Variants in ACOT11 observed in about 807,000 individuals in gnomAD.
ACOT11 encodes acyl-CoA thioesterase 11.
ACOT11 carries 69 observed loss-of-function variants against 77.5 expected under a neutral mutation model. The ratio of observed to expected loss-of-function variants is 0.89; its 90% CI spans 0.73 to 1.09. The LOEUF (loss-of-function observed/expected upper bound fraction) is 1.09. ACOT11 is among the 50% of genes least tolerant of loss of function. The pLI is 0.00. For missense variants in ACOT11, 766 were observed against 813.7 expected (o/e 0.94, Z 0.71); for synonymous variants, 279 against 313.0 (o/e 0.89, Z 1.15).
intron 15 of ACOT11, among the ~76,000 whole-genome samples, chr1:54,622,924 C>T (rs763721659): frequency 1.8e-4 from 28 of 151,926 alleles, no homozygotes; most frequent in Non-Finnish European, 3.2e-4. Context: ...CCTGTAATCC[C>T]AGCACTTTGA....
intron 16 of ACOT11, among the ~76,000 whole-genome samples, chr1:54,632,390 C>G (rs1318055361): frequency 6.6e-6 from 1 of 152,232 alleles, no homozygotes; most frequent in African/African-American, 2.4e-5. Context: ...CAACAGGAGT[C>G]TGTGGACCCT....
chr1:54,599,597 C>T (rs1191921487), intron 8 of ACOT11, 182 bp downstream of exon 8: 2 of 664,318 alleles, frequency 3.0e-6, no homozygotes, highest in Non-Finnish European at 4.2e-6. Context: ...GGGAGCCTTC[C>T]CTGGCTCCCA....
chr1:54,623,471 T>C (rs934091662), intron 15 of ACOT11: 18 of 1,138,222 alleles, frequency 1.6e-5, no homozygotes, highest in Admixed American at 5.4e-5. Context: ...TGGAATCCTG[T>C]GGGAGGCAGG....
In ACOT11 at chr1:54,573,246, G is replaced by A. The variant is rs1653985263; in HGVS notation, c.34-11409G>A. On this transcript the variant is annotated intron_variant, in intron 1 of 15. Transcript: ENST00000343744. ...AGAAGCAGTTGTACAAAGTGGTCAA[G>A]CAGTCTTAGCTTTTGCGGTAAGCAG... The A allele has an allele frequency of 3.0e-6, 3 of 985,354 alleles. No homozygotes were observed. In the Admixed American group the frequency reaches 1.8e-4, roughly 61 times the overall value. 61.0% of individuals were successfully genotyped at this position (985,354 alleles called of 1,614,324 possible).
At chr1:54,573,895 G>T (rs1654009315) in intron 1 of ACOT11, among the ~76,000 whole-genome samples, 1 of 152,084 alleles carries the variant, frequency 6.6e-6, no homozygotes, top group Non-Finnish European at 1.5e-5. Flanking sequence ...CGGGCGTGAT[G>T]GCGCATGCCT....
chr1:54,575,840 G>A (rs994446115), intron 1 of ACOT11, among the ~76,000 whole-genome samples: 2 of 152,228 alleles, frequency 1.3e-5, no homozygotes, highest in African/African-American at 4.8e-5. Context: ...ACGGGCAAAG[G>A]CCCAGTGCTG....
rs767004485 is a variant in ACOT11, at chr1:54,609,288, C to T, written c.*176C>T. On this transcript the variant is annotated 3_prime_UTR_variant, in exon 16 of 16. Coordinates refer to ENST00000343744, the MANE Select transcript of ACOT11 (RefSeq NM_147161.4). ...GGTGCTCAGTTTCTACCAACATGAG[C>T]CAGCAAGTCCTTGTGGTAGCCCTGG... 17 of 1,606,176 alleles carry T rather than the reference C, an allele frequency of 1.1e-5. No individual in the cohort carries two copies. The African/African-American group carries it at 2.1e-4, about 20-fold the overall frequency.
chr1:54,622,275 CAAAA>C (rs34730286), intron 15 of ACOT11, among the ~76,000 whole-genome samples: 7 of 45,934 alleles, frequency 1.5e-4, no homozygotes, highest in African/African-American at 3.6e-4. Context: ...GACTCTGTCT[CAAAA>C]AAAAAAAAAA....
downstream of ACOT11, chr1:54,610,385 G>C (rs777171000): frequency 6.8e-6 from 11 of 1,607,710 alleles, no homozygotes; most frequent in African/African-American, 8.0e-5. Flanking sequence ...TGAGCTGGGA[G>C]CACCGGGGCT....
intron 1 of ACOT11, among the ~76,000 whole-genome samples, chr1:54,551,727 GTTTTGTTTTGT>G (rs1452139841): frequency 8.5e-4 from 127 of 149,600 alleles, no homozygotes; most frequent in African/African-American, 2.8e-3. Context: ...TTTTGTTTTT[GTTTTGTTTTGT>G]TTTTGTTTTT....
intron 1 of ACOT11, among the ~76,000 whole-genome samples, chr1:54,560,835 C>T (rs919494785): frequency 6.6e-5 from 10 of 152,142 alleles, no homozygotes; most frequent in Admixed American, 3.9e-4. Context: ...AATTCCCCTT[C>T]GTCAGCCTCC....
chr1:54,603,662 C>T (rs1484352009), intron 10 of ACOT11, among the ~76,000 whole-genome samples: 2 of 152,254 alleles, frequency 1.3e-5, no homozygotes, highest in East Asian at 1.9e-4. Flanking sequence ...GGCTCGCTCC[C>T]ACCTCTGAGC....
chr1:54,622,454 T>C (rs1644239612), intron 15 of ACOT11, among the ~76,000 whole-genome samples: 1 of 152,054 alleles, frequency 6.6e-6, no homozygotes, highest in South Asian at 2.1e-4. Flanking sequence ...GGCGCACGCC[T>C]GTAGTCCCAG....
intron 1 of ACOT11, among the ~76,000 whole-genome samples, chr1:54,549,189 C>G (rs991058796): frequency 6.6e-6 from 1 of 152,162 alleles, no homozygotes; most frequent in Admixed American, 6.5e-5. Flanking sequence ...TCCATGTCAG[C>G]CCCTTTCAGT....
intron 3 of ACOT11, among the ~76,000 whole-genome samples, chr1:54,586,654 G>A (rs550061167): frequency 8.5e-4 from 130 of 152,160 alleles, no homozygotes; most frequent in African/African-American, 2.9e-3. Context: ...GGCTGGTCTC[G>A]ATCTCCTGAT....
intron 1 of ACOT11, among the ~76,000 whole-genome samples, chr1:54,555,712 G>A (rs79841265): frequency 0.04 from 6,041 of 151,934 alleles, 173 homozygotes; most frequent in Non-Finnish European, 0.055. Flanking sequence ...TTTGGGGGTC[G>A]TACATTTAAG....
rs1330864693 is a variant in ACOT11, at chr1:54,594,562, C to G, written c.478C>G (p.Leu160Val). The G allele has an allele frequency of 6.2e-7, 1 of 1,612,992 alleles. No homozygotes were observed. The highest frequency in any genetic ancestry group is 8.5e-7 in the Non-Finnish European group (1 of 1,179,496). ...CCTGTCCCCTGGCCGACAGGTGAAG[C>G]TGAAGCAGATCACGCCGCGGACAGA... ...VARREITKVK[L>V]KQITPRTEEE... is the part of the protein sequence containing the mutation. The change falls in exon 6 of 16, where the codon CTG (leucine) becomes GTG (valine). Residue 160 changes from leucine (L) to valine (V), a missense_variant. Leu to Val is a conservative substitution (Grantham distance 32). Transcript: ENST00000343744.
intron 1 of ACOT11, among the ~76,000 whole-genome samples, chr1:54,565,729 G>A (rs536542693): frequency 8.9e-4 from 135 of 152,236 alleles, no homozygotes; most frequent in Admixed American, 1.4e-3. Context: ...CTTAGCCCCC[G>A]TCCTGTAGAA....
intron 1 of ACOT11, 172 bp downstream of exon 1, chr1:54,548,514 C>T (rs1370861028): frequency 1.2e-6 from 1 of 851,560 alleles, no homozygotes; most frequent in Non-Finnish European, 1.8e-6. Flanking sequence ...GGTTTATTAT[C>T]AGCAGCAATC....
Sources: allele counts gnomAD v4.1 joint callset (sites outside exome capture counted in the v4.1 genomes callset), GRCh38; gene constraint gnomAD v4.1.1; transcripts MANE v1.5; gene names NCBI Gene and HGNC (gene_info 2026-07-23, HGNC 2026-07-21).